Variants in CACNA1B observed in about 807,000 individuals in gnomAD.
The protein encoded by CACNA1B is calcium voltage-gated channel subunit alpha1 B.
A neutral mutation model predicts 247.2 loss-of-function variants in CACNA1B; 70 were observed. That is an observed-to-expected ratio of 0.28 (90% CI 0.23 to 0.35). The LOEUF is 0.35. Ranked by LOEUF, CACNA1B falls within the 10% of genes least tolerant of loss-of-function variation. CACNA1B has a pLI of 1.00. For synonymous variants in CACNA1B, 1,231 were observed against 1,294.4 expected (o/e 0.95, Z 1.05); for missense variants, 2,367 against 3,197.4 (o/e 0.74, Z 6.26).
intron 36 of CACNA1B, among the ~76,000 whole-genome samples, chr9:138,086,094 A>T (rs1261016799): frequency 2.0e-5 from 3 of 151,358 alleles, no homozygotes; most frequent in Non-Finnish European, 4.4e-5. Context: ...AAACAACCAG[A>T]AAACAATTAA....
chr9:138,046,296 C>T (rs375158269), intron 21 of CACNA1B, among the ~76,000 whole-genome samples: 1 of 152,310 alleles, frequency 6.6e-6, no homozygotes. Context: ...AAGGCGAGCA[C>T]GTGGCAGTGT....
Position 138,023,763 on chromosome 9 carries a change from A to C in CACNA1B, c.3020A>C (p.Glu1007Ala). ...TEKEATEKEA[E>A]IVEADKEKEL... ...AAGGAGGCCACGGAGAAGGAGGCTGAGATAGTGGAAGCCGACAAGGAAAAG... is the reference window on the plus strand; with the variant it reads ...AAGGAGGCCACGGAGAAGGAGGCTGCGATAGTGGAAGCCGACAAGGAAAAG... The change falls in exon 19 of 47, where the codon GAG becomes GCG. Residue 1007 changes from glutamate to alanine, a missense_variant. Physicochemically the swap from Glu to Ala is moderately radical, Grantham distance 107. Transcript: ENST00000371372. The C allele has an allele frequency of 3.3e-6, 5 of 1,517,314 alleles. No individual in the cohort carries two copies. Among genetic ancestry groups the C allele is most frequent in the Non-Finnish European group, 4.5e-6 (5 of 1,118,196 alleles). The allele number at this position is 1,517,314 out of a possible 1,614,324, so 94.0% of individuals were successfully genotyped here.
At chr9:138,120,109 C>A in intron 44 of CACNA1B, 56 bp from the exon 45 acceptor site, 1 of 1,429,054 alleles carries the variant, frequency 7.0e-7, no homozygotes, top group South Asian at 1.3e-5. Context: ...TCCATGCCTG[C>A]ATTCCCGCTG....
intron 37 of CACNA1B, 22 bp downstream of exon 37, chr9:138,096,633 G>C: frequency 6.2e-7 from 1 of 1,606,762 alleles, no homozygotes; most frequent in Non-Finnish European, 8.5e-7. Flanking sequence ...GTGGTGCTCT[G>C]TGGTCCTTGG....
intron 5 of CACNA1B, among the ~76,000 whole-genome samples, chr9:137,915,040 AAT>A (rs893891315): frequency 2.0e-5 from 3 of 152,250 alleles, no homozygotes; most frequent in African/African-American, 7.2e-5. Flanking sequence ...AGGTATTTGA[AAT>A]AGAATAATTT....
At chr9:138,091,660 A>G (rs926221992) in intron 36 of CACNA1B, among the ~76,000 whole-genome samples, 2 of 152,318 alleles carry the variant, frequency 1.3e-5, no homozygotes, top group East Asian at 3.9e-4. Flanking sequence ...ATTATACTGT[A>G]CCCCATAAAT....
intron 10 of CACNA1B, among the ~76,000 whole-genome samples, chr9:137,960,492 ACGC>A (rs1429547105): frequency 1.4e-5 from 1 of 70,540 alleles, no homozygotes; most frequent in African/African-American, 5.7e-5. Context: ...GAGATGCGAG[ACGC>A]CGCCAGGGAG....
rs1962154197 is a variant in CACNA1B at position 138,123,033 on chromosome 9, CA to C, written c.*1035del. 1 of 152,282 alleles carries C rather than the reference CA, an allele frequency of 6.6e-6. No homozygotes were observed. The highest frequency in any genetic ancestry group is 1.5e-5 in the Non-Finnish European group (1 of 68,070). The allele number at this position is 152,282 out of a possible 1,614,324, so 9.4% of individuals were successfully genotyped here. On this transcript the variant is annotated 3_prime_UTR_variant, in exon 47 of 47. Transcript: ENST00000371372. ...GTGGAAGGGGTTTCCAAGGAAGCCA[CA>C]GGGCAGCTGACCACGTGCTTGTGTG...
rs1427716023 is a variant in CACNA1B, at chr9:137,914,655, T to C, written c.624T>C (p.Ser208=). The C allele has an allele frequency of 6.2e-7, 1 of 1,613,592 alleles. No homozygotes were observed. Among genetic ancestry groups the C allele is most frequent in the Non-Finnish European group, 8.5e-7 (1 of 1,179,738 alleles). ...RPLKLVSGIP[S]LQVVLKSIMK... is the part of the protein sequence containing the mutation. ...TGACCTGCCCTGTTCTGGCCCCAGGTTTGCAGGTGGTGCTCAAGTCCATCA... is the reference window on the plus strand; with the variant it reads ...TGACCTGCCCTGTTCTGGCCCCAGGCTTGCAGGTGGTGCTCAAGTCCATCA... The change falls in exon 5 of 47, where the codon AGT becomes AGC. Residue 208 remains serine (S), a splice_region_variant and synonymous_variant. Transcript: ENST00000371372. This position sits in a 1 kb window ranked among gnomAD's most constrained non-coding sequence, Gnocchi z 4.3.
Position 137,923,317 on chromosome 9 carries a change from G to A in CACNA1B, c.966+5886G>A, listed in dbSNP as rs112130071. On this transcript the variant is annotated intron_variant, in intron 6 of 46. Transcript: ENST00000371372. ...ATTCCATGGTGCCAGGTAGTATTCC[G>A]TGGCTCCAGGTGGTATTCCGTGGTG... 2.2e-3 allele frequency among the ~76,000 whole-genome samples: 321 copies of A among 146,000 alleles called. 4 individuals are homozygous for A. The highest frequency in any genetic ancestry group is 8.2e-3 in the African/African-American group (304 of 37,168).
chr9:138,087,384 CAAAAAAAA>C (rs58566171), intron 36 of CACNA1B, among the ~76,000 whole-genome samples: 2 of 52,674 alleles, frequency 3.8e-5, no homozygotes, highest in African/African-American at 6.5e-5. Flanking sequence ...GACTCTGTCT[CAAAAAAAA>C]AAAAAAAAAA....
In CACNA1B at chr9:138,057,687, G is replaced by T; in HGVS notation, c.3969-45G>T. 1 of 1,572,330 alleles carries T rather than the reference G, an allele frequency of 6.4e-7. No homozygotes were observed. The highest frequency in any genetic ancestry group is 1.2e-5 in the South Asian group (1 of 86,702). On this transcript the variant is annotated intron_variant, in intron 26 of 46. Transcript: ENST00000371372. The surrounding 1 kb of genome is among the most constrained non-coding windows in gnomAD (Gnocchi z 4.0). ...CACTCTTGATAGGTGGGTTTATTTGGATCTTTTGTCTTTGCCCTCTAACCT... is the reference window on the plus strand; with the variant it reads ...CACTCTTGATAGGTGGGTTTATTTGTATCTTTTGTCTTTGCCCTCTAACCT...
intron 15 of CACNA1B, among the ~76,000 whole-genome samples, chr9:137,998,146 A>G (rs993244889): frequency 5.3e-5 from 8 of 152,094 alleles, no homozygotes; most frequent in African/African-American, 1.9e-4. Context: ...AGGGAGAGGA[A>G]TGAGACTGGG....
intron 3 of CACNA1B, among the ~76,000 whole-genome samples, chr9:137,906,199 G>C (rs1379385335): frequency 6.6e-6 from 1 of 152,208 alleles, no homozygotes; most frequent in African/African-American, 2.4e-5. Flanking sequence ...TCCGGCCCCA[G>C]AGGATTATAG....
chr9:137,951,916 G>T (rs1320539734), intron 6 of CACNA1B, among the ~76,000 whole-genome samples: 2 of 152,218 alleles, frequency 1.3e-5, no homozygotes, highest in African/African-American at 2.4e-5. Context: ...TAGCCAGGGA[G>T]GTGTCTGGCA....
At chr9:137,978,191 GC>G (rs369971150) in intron 12 of CACNA1B, among the ~76,000 whole-genome samples, 80 of 113,866 alleles carry the variant, frequency 7.0e-4, no homozygotes, top group African/African-American at 2.0e-3. Flanking sequence ...TGGGAGCATT[GC>G]CCCCCCCCAG....
chr9:138,090,701 C>CAAAAAAAAAAAAAAA (rs1173964720), intron 36 of CACNA1B, among the ~76,000 whole-genome samples: 4 of 16,594 alleles, frequency 2.4e-4, no homozygotes, highest in East Asian at 5.6e-3. Context: ...AACCCATCAG[C>CAAAAAAAAAAAAAAA]AAAAAAAAAA....
chr9:137,883,347 G>T (rs1409944263), intron 3 of CACNA1B, among the ~76,000 whole-genome samples: 2 of 152,058 alleles, frequency 1.3e-5, no homozygotes, highest in Non-Finnish European at 2.9e-5. Flanking sequence ...TGTCCACCTC[G>T]CTCAGAGCCC....
At chr9:138,013,067 G>C in intron 17 of CACNA1B, 62 bp from the exon 18 acceptor site, 1 of 1,169,506 alleles carries the variant, frequency 8.6e-7, no homozygotes. Context: ...GTTATATATA[G>C]CCAGTGTTAG....
Sources: allele counts gnomAD v4.1 joint callset (sites outside exome capture counted in the v4.1 genomes callset), GRCh38; gene constraint gnomAD v4.1.1; non-coding constraint Gnocchi (gnomAD v3.1); transcripts MANE v1.5; gene names NCBI Gene and HGNC (gene_info 2026-07-23, HGNC 2026-07-21).